SNX31: variants seen among roughly 807,000 people sequenced by gnomAD.
The protein encoded by SNX31 is sorting nexin-31.
SNX31 carries 58 observed loss-of-function variants against 65.4 expected under a neutral mutation model. The observed-to-expected ratio is 0.89, with a 90% CI of 0.72 to 1.10. The LOEUF (loss-of-function observed/expected upper bound fraction) is 1.10. Ranked by LOEUF, SNX31 falls within the 50% of genes least tolerant of loss-of-function variation. The pLI is 0.00. For missense variants in SNX31, 523 were observed against 529.7 expected (o/e 0.99, Z 0.12); for synonymous variants, 181 against 190.1 (o/e 0.95, Z 0.39).
upstream of SNX31, among the ~76,000 whole-genome samples, chr8:100,652,269 C>T (rs1292105351): frequency 2.0e-5 from 3 of 152,282 alleles, no homozygotes; most frequent in East Asian, 3.9e-4. Flanking sequence ...TGAGCCACCG[C>T]GCCCGGCCCA....
At chr8:100,591,598 G>C (rs1418057010) in intron 10 of SNX31, among the ~76,000 whole-genome samples, 1 of 152,124 alleles carries the variant, frequency 6.6e-6, no homozygotes, top group Non-Finnish European at 1.5e-5. Context: ...CTTTGGGAAG[G>C]TGAGGCAGAT....
chr8:100,584,052 A>T, intron 12 of SNX31, 59 bp downstream of exon 12: 1 of 1,521,640 alleles, frequency 6.6e-7, no homozygotes, highest in Non-Finnish European at 9.0e-7. Flanking sequence ...TTTGGTCTCC[A>T]ACTGTTGGCT....
At chr8:100,611,858 C>T (rs1816740960) in intron 7 of SNX31, 142 bp downstream of exon 7, 2 of 659,140 alleles carry the variant, frequency 3.0e-6, no homozygotes, top group South Asian at 3.9e-5. Context: ...ACCTGGCCTT[C>T]ATTGCTTTTC....
chr8:100,616,852 C>G (rs1817250430), intron 5 of SNX31, among the ~76,000 whole-genome samples: 1 of 152,196 alleles, frequency 6.6e-6, no homozygotes, highest in Admixed American at 6.5e-5. Flanking sequence ...AACGTTCTGT[C>G]CTTTGAAAGG....
intron 2 of SNX31, among the ~76,000 whole-genome samples, chr8:100,646,065 G>A (rs991348152): frequency 2.6e-5 from 4 of 152,112 alleles, no homozygotes; most frequent in African/African-American, 7.2e-5. Context: ...GGGATTGAGA[G>A]CAAAAAGACT....
intron 2 of SNX31, among the ~76,000 whole-genome samples, chr8:100,636,835 C>A (rs1273736105): frequency 6.6e-6 from 1 of 152,148 alleles, no homozygotes; most frequent in Non-Finnish European, 1.5e-5. Context: ...AATTCTCCTG[C>A]CTCAGCCTCC....
rs374951415 is a variant in SNX31 at position 100,606,414 on chromosome 8, A to C, written c.681+2080T>G. 4.1e-4 allele frequency among the ~76,000 whole-genome samples: 62 copies of C among 152,348 alleles called. 2 individuals are homozygous for C. The East Asian group carries it at 0.012, about 28-fold the overall frequency. On this transcript the variant is annotated intron_variant, in intron 8 of 13. Transcript: ENST00000311812. ...TTCTAGCCATAAAAATACAATGGTGAACATTAAACATTTAATAAGTGATAT... is the reference window on the plus strand; with the variant it reads ...TTCTAGCCATAAAAATACAATGGTGCACATTAAACATTTAATAAGTGATAT...
At chr8:100,592,248 CAGAACTTCT>C (rs1814653390) in intron 10 of SNX31, among the ~76,000 whole-genome samples, 1 of 152,008 alleles carries the variant, frequency 6.6e-6, no homozygotes, top group Non-Finnish European at 1.5e-5. Flanking sequence ...AAGATCTAAA[CAGAACTTCT>C]AGAGATGAAA....
chr8:100,641,623 CGCATATAT>C (rs1177418682), intron 2 of SNX31, among the ~76,000 whole-genome samples: 1 of 16,806 alleles, frequency 6.0e-5, no homozygotes, highest in Non-Finnish European at 8.6e-5. Context: ...CGCACACACG[CGCATATAT>C]ATATATATAT....
In SNX31 at chr8:100,649,505, G is replaced by T. The variant is rs1219045664; in HGVS notation, c.10C>A (p.His4Asn). 6.4e-7 allele frequency: 1 copy of T among 1,559,176 alleles called. No individual in the cohort carries two copies. Among genetic ancestry groups the T allele is most frequent in the Admixed American group, 1.9e-5 (1 of 52,752 alleles). The change falls in exon 1 of 14, where the codon CAT becomes AAT. Residue 4 changes from histidine to asparagine, a missense_variant. Coordinates refer to ENST00000311812, the MANE Select transcript of SNX31 (RefSeq NM_152628.4). ...TGCTGGGACACCGGGATACAGAAAT[G>T]CATCTTCATGGCTGAGCGGTGTCTT... is the stretch of plus-strand genomic sequence containing the variant. MKM[H>N]FCIPVSQQRS... is the part of the protein sequence containing the mutation.
rs182906047 is a variant in SNX31 at position 100,609,943 on chromosome 8, C to T, written c.612-1380G>A. ...CTTAAGGACAGAGAAGTCCTTAAGACGCCACTTAGGCCTCACTGAGGCTTC... is the reference window on the plus strand; with the variant it reads ...CTTAAGGACAGAGAAGTCCTTAAGATGCCACTTAGGCCTCACTGAGGCTTC... On this transcript the variant is annotated intron_variant, in intron 7 of 13. Transcript: ENST00000311812. The surrounding 1 kb of genome is among the most constrained non-coding windows in gnomAD (Gnocchi z 4.9). Among the ~76,000 whole-genome samples, 38 of 152,278 alleles carry T rather than the reference C, an allele frequency of 2.5e-4. No individual in the cohort carries two copies. The highest frequency in any genetic ancestry group is 3.9e-4 in the Admixed American group (6 of 15,298).
chr8:100,582,331 T>C (rs1373135988), intron 12 of SNX31: 1 of 152,256 alleles, frequency 6.6e-6, no homozygotes, highest in Non-Finnish European at 1.5e-5. Context: ...TTAATGAGGC[T>C]ACTTCAGTTA....
At chr8:100,589,113 C>T (rs984236362) in intron 10 of SNX31, 134 bp from the exon 11 acceptor site, 30 of 555,064 alleles carry the variant, frequency 5.4e-5, no homozygotes, top group African/African-American at 9.7e-5. Context: ...CCATCCTGGC[C>T]AACATGGTGA....
intron 11 of SNX31, among the ~76,000 whole-genome samples, chr8:100,585,594 C>A (rs969620435): frequency 6.6e-6 from 1 of 152,036 alleles, no homozygotes; most frequent in South Asian, 2.1e-4. Context: ...GAAAAAAGGG[C>A]CTGACATCAA....
chr8:100,642,034 G>A (rs1203785215), intron 2 of SNX31, among the ~76,000 whole-genome samples: 3 of 151,886 alleles, frequency 2.0e-5, no homozygotes, highest in Middle Eastern at 3.4e-3. Context: ...AGCCGAGATC[G>A]CGCCACTGCA....
intron 4 of SNX31, among the ~76,000 whole-genome samples, chr8:100,627,768 C>T (rs992883698): frequency 9.9e-5 from 15 of 152,068 alleles, no homozygotes; most frequent in African/African-American, 3.6e-4. Flanking sequence ...AACTCCTGAC[C>T]TCAGGTGATC....
intron 10 of SNX31, among the ~76,000 whole-genome samples, chr8:100,595,287 T>C (rs6982113): frequency 0.026 from 3,904 of 151,208 alleles, 174 homozygotes; most frequent in African/African-American, 0.088. Flanking sequence ...GACCAAGCTG[T>C]GAGTGCGGAG....
Position 100,625,526 on chromosome 8 carries a change from GAA to G in SNX31, c.321+4799_321+4800del, listed in dbSNP as rs1817988794. On this transcript the variant is annotated intron_variant, in intron 4 of 13. Transcript: ENST00000311812. The surrounding 1 kb of genome is among the most constrained non-coding windows in gnomAD (Gnocchi z 4.2). ...TCAACTCAAAAAGAGCACATATTTT[GAA>G]AAGTGTTAAGGTTCTGGGAAGTGAC... is the stretch of plus-strand genomic sequence containing the variant. 1.3e-5 allele frequency among the ~76,000 whole-genome samples: 2 copies of G among 152,182 alleles called. No individual in the cohort carries two copies. The highest frequency in any genetic ancestry group is 2.9e-5 in the Non-Finnish European group (2 of 68,034).
chr8:100,655,566 C>A (rs1820041638), intron 1 of SNX31, among the ~76,000 whole-genome samples: 1 of 152,224 alleles, frequency 6.6e-6, no homozygotes, highest in Non-Finnish European at 1.5e-5. Flanking sequence ...GTAAGAAGTG[C>A]CTTTCAGCTT....
Sources: allele counts gnomAD v4.1 joint callset (sites outside exome capture counted in the v4.1 genomes callset), GRCh38; gene constraint gnomAD v4.1.1; non-coding constraint Gnocchi (gnomAD v3.1); transcripts MANE v1.5; gene names NCBI Gene and HGNC (gene_info 2026-07-23, HGNC 2026-07-21).